The following GALK2 variants were observed in gnomAD, a reference collection of about 807,000 sequenced individuals.
GALK2 encodes galactokinase 2, also known as N-acetylgalactosamine kinase.
A neutral mutation model predicts 52.4 loss-of-function variants in GALK2; 36 were observed. That is an observed-to-expected ratio of 0.69 (90% confidence interval 0.53 to 0.91). The LOEUF (loss-of-function observed/expected upper bound fraction) is 0.91, where lower values mean the gene tolerates loss of function less well. Among genes scored for constraint, GALK2 ranks in the 40% least tolerant of loss-of-function variants. The pLI is 0.00. For missense variants in GALK2, 579 were observed against 559.1 expected (o/e 1.04, Z -0.36); for synonymous variants, 176 against 199.1 (o/e 0.88, Z 0.98).
At chr15:49,297,300 G>C (rs2034569035) in intron 8 of GALK2, among the ~76,000 whole-genome samples, 1 of 151,914 alleles carries the variant, frequency 6.6e-6, no homozygotes, top group Non-Finnish European at 1.5e-5. Context: ...TTGTTGATTT[G>C]TTTACCTTTT....
At chr15:49,163,748 C>T (rs1159246116) in intron 1 of GALK2, among the ~76,000 whole-genome samples, 1 of 152,134 alleles carries the variant, frequency 6.6e-6, no homozygotes, top group East Asian at 1.9e-4. Flanking sequence ...TCCTTGAGGA[C>T]ACAACTGTCT....
chr15:49,246,144 C>T (rs533296010), intron 5 of GALK2, among the ~76,000 whole-genome samples: 10 of 152,294 alleles, frequency 6.6e-5, no homozygotes, highest in Non-Finnish European at 1.3e-4. Context: ...AGGTGTTCTA[C>T]AAGATATGCC....
At chr15:49,223,751 G>A (rs939401347) in intron 3 of GALK2, among the ~76,000 whole-genome samples, 1 of 152,046 alleles carries the variant, frequency 6.6e-6, no homozygotes, top group Non-Finnish European at 1.5e-5. Context: ...AGTATTCCCT[G>A]GTGTATGTAT....
chr15:49,184,885 G>A (rs1429585463), intron 1 of GALK2, among the ~76,000 whole-genome samples: 3 of 152,106 alleles, frequency 2.0e-5, no homozygotes, highest in African/African-American at 7.2e-5. Flanking sequence ...CAAGATATAA[G>A]TAGTATACAT....
chr15:49,184,540 GTCTTC>G (rs897241426), intron 1 of GALK2, among the ~76,000 whole-genome samples: 11 of 151,982 alleles, frequency 7.2e-5, no homozygotes, highest in African/African-American at 2.4e-4. Context: ...TTGTTTTGTA[GTCTTC>G]TCTTCCTTCC....
chr15:49,178,222 T>G lies in GALK2; in HGVS notation c.53+7847T>G, dbSNP rs1198013413. ...ATATATATATATATATATATATATA[T>G]ATATAGAAATAAAATGTATAAATAT... On this transcript the variant is annotated intron_variant, in intron 1 of 9. Transcript: ENST00000560031. Among the ~76,000 whole-genome samples, 679 of 115,762 alleles carry G rather than the reference T, an allele frequency of 5.9e-3. 14 individuals are homozygous for G. Among genetic ancestry groups the G allele is most frequent in the African/African-American group, 0.02 (637 of 31,118 alleles). 75.9% of individuals were successfully genotyped at this position (115,762 alleles called of 152,430 possible).
At chr15:49,266,384 A>G (rs1213480655) in intron 5 of GALK2, among the ~76,000 whole-genome samples, 1 of 152,184 alleles carries the variant, frequency 6.6e-6, no homozygotes, top group Non-Finnish European at 1.5e-5. Context: ...ACGGAAACAG[A>G]GAGGGGAAGA....
chr15:49,214,668 A>G (rs542576578), intron 2 of GALK2, among the ~76,000 whole-genome samples: 2 of 152,030 alleles, frequency 1.3e-5, no homozygotes, highest in South Asian at 2.1e-4. Flanking sequence ...GTCTCTGTTT[A>G]TATCTTTTTA....
chr15:49,348,331 G>T (rs774570895), intron 3 of GALK2, among the ~76,000 whole-genome samples: 7 of 152,012 alleles, frequency 4.6e-5, no homozygotes, highest in African/African-American at 7.3e-5. Context: ...TTCAAGACAA[G>T]TTCCCTAGCT....
intron 3 of GALK2, among the ~76,000 whole-genome samples, chr15:49,346,777 T>C (rs1261700371): frequency 6.6e-6 from 1 of 152,192 alleles, no homozygotes; most frequent in Admixed American, 6.5e-5. Flanking sequence ...CAGCAAGCTG[T>C]GGCCAGAATC....
At chr15:49,193,535 AC>A (rs2081748320) in intron 1 of GALK2, among the ~76,000 whole-genome samples, 1 of 151,132 alleles carries the variant, frequency 6.6e-6, no homozygotes, top group African/African-American at 2.4e-5. Flanking sequence ...ATATTAGAAA[AC>A]CTTTCCCTTA....
chr15:49,293,061 G>A (rs544549469), intron 8 of GALK2, among the ~76,000 whole-genome samples: 2 of 152,254 alleles, frequency 1.3e-5, no homozygotes, highest in Admixed American at 6.5e-5. Context: ...TGGAGTCTTG[G>A]GCTGGCTTGT....
intron 3 of GALK2, among the ~76,000 whole-genome samples, chr15:49,351,029 A>G (rs1250333358): frequency 6.6e-6 from 1 of 152,194 alleles, no homozygotes; most frequent in Non-Finnish European, 1.5e-5. Context: ...GCCAGTGCAT[A>G]ACCTACTCAA....
At chr15:49,316,483 G>T in intron 8 of GALK2, among the ~76,000 whole-genome samples, 1 of 147,412 alleles carries the variant, frequency 6.8e-6, no homozygotes. Flanking sequence ...GGGTAGGGGG[G>T]AGGGATAGCA....
chr15:49,251,897 A>G (rs2091617982), intron 5 of GALK2, among the ~76,000 whole-genome samples: 1 of 152,200 alleles, frequency 6.6e-6, no homozygotes, highest in Non-Finnish European at 1.5e-5. Context: ...CCTTCCAGAA[A>G]TACTCTATCC....
chr15:49,315,014 A>C (rs564568228), intron 8 of GALK2, among the ~76,000 whole-genome samples: 1 of 152,374 alleles, frequency 6.6e-6, no homozygotes, highest in East Asian at 1.9e-4. Flanking sequence ...TTTATTATAC[A>C]AGCCAAAATT....
chr15:49,215,735 G>T (rs2141375286), intron 2 of GALK2, among the ~76,000 whole-genome samples: 1 of 152,240 alleles, frequency 6.6e-6, no homozygotes, highest in East Asian at 1.9e-4. Context: ...ATTGGTCACT[G>T]GTGTCTTCTG....
chr15:49,168,693 G>C (rs1218387859), upstream of GALK2, among the ~76,000 whole-genome samples: 1 of 150,818 alleles, frequency 6.6e-6, no homozygotes, highest in African/African-American at 2.4e-5. Context: ...ACTCCAGCCT[G>C]GGCAACAAAG....
In GALK2 at chr15:49,303,153, G is replaced by A. The variant is rs2035253461; in HGVS notation, c.967+10616G>A. Among the ~76,000 whole-genome samples, 4 of 152,028 alleles carry A rather than the reference G, an allele frequency of 2.6e-5. No homozygotes were observed. In the South Asian group the frequency reaches 8.3e-4, roughly 32 times the overall value. ...TAAAGGTTCCTACCTTGTTTCCTAG[G>A]GAAAAAAAATGGGCTTACCTGATAT... is the stretch of plus-strand genomic sequence containing the variant. On this transcript the variant is annotated intron_variant, in intron 8 of 9. Transcript: ENST00000560031.
Sources: gnomAD v4.1 joint callset for allele counts (sites outside exome capture counted in the v4.1 genomes callset) on GRCh38, gnomAD v4.1.1 for gene constraint, MANE v1.5 for transcripts, NCBI Gene and HGNC (gene_info 2026-07-23, HGNC 2026-07-21) for gene names.